The following ZFHX4 variants were observed in gnomAD, a reference collection of about 807,000 sequenced individuals.
The protein encoded by ZFHX4 is zinc finger homeobox 4.
In ZFHX4, 56 loss-of-function variants were observed where a neutral mutation model predicts 267.6. The ratio of observed to expected loss-of-function variants is 0.21; its 90% CI spans 0.17 to 0.26. The LOEUF is 0.26. ZFHX4 is among the 10% of genes least tolerant of loss of function. The pLI is 1.00. For missense variants in ZFHX4, 4,332 were observed against 4,420.0 expected (o/e 0.98, Z 0.56); for synonymous variants, 1,778 against 1,665.6 (o/e 1.07, Z -1.64).
Position 76,852,958 on chromosome 8 carries a change from C to T in ZFHX4, c.6037C>T (p.Pro2013Ser). ...PPPPPPPPPLPPAPPQPSSMG... is the reference protein window; with the variant it reads ...PPPPPPPPPLSPAPPQPSSMG... ...CCCGCCACCTCCTCCTCCTCCCTTGCCTCCGGCTCCTCCACAGCCTTCTTC... is the reference window on the plus strand; with the variant it reads ...CCCGCCACCTCCTCCTCCTCCCTTGTCTCCGGCTCCTCCACAGCCTTCTTC... Residue 2013 changes from proline to serine, a missense_variant, in exon 10 of 11, where the codon CCT becomes TCT. Physicochemically the swap from Pro to Ser is moderately conservative, Grantham distance 74 (BLOSUM62 -1). Coordinates refer to ENST00000651372, the MANE Select transcript of ZFHX4 (RefSeq NM_024721.5). 3.2e-6 allele frequency: 5 copies of T among 1,566,904 alleles called. No homozygotes were observed. The highest frequency in any genetic ancestry group is 4.3e-6 in the Non-Finnish European group (5 of 1,154,942).
At chr8:76,803,413 A>G (rs1167762265) in intron 4 of ZFHX4, among the ~76,000 whole-genome samples, 1 of 152,156 alleles carries the variant, frequency 6.6e-6, no homozygotes, top group Admixed American at 6.6e-5. Context: ...CTGCATTTAT[A>G]TAATTAAGAA....
At chr8:76,795,977 G>A (rs1289782035) in intron 4 of ZFHX4, among the ~76,000 whole-genome samples, 1 of 152,214 alleles carries the variant, frequency 6.6e-6, no homozygotes, top group East Asian at 1.9e-4. Context: ...TAGAAAAGGA[G>A]GAATTCAAAG....
intron 3 of ZFHX4, among the ~76,000 whole-genome samples, chr8:76,708,483 G>T (rs1449410118): frequency 6.6e-6 from 1 of 151,782 alleles, no homozygotes. Flanking sequence ...AAACAATGAC[G>T]CTCCAAACAT....
At chr8:76,849,819 T>A in intron 8 of ZFHX4, 107 bp downstream of exon 8, 2 of 1,194,976 alleles carry the variant, frequency 1.7e-6, no homozygotes, top group Non-Finnish European at 2.4e-6. Context: ...CAGAGCTAAT[T>A]AAAGCTCTGT....
At chr8:76,814,748 G>A (rs182016206) in intron 4 of ZFHX4, among the ~76,000 whole-genome samples, 16 of 152,172 alleles carry the variant, frequency 1.1e-4, no homozygotes, top group South Asian at 6.2e-4. Flanking sequence ...TCCTGCCTGC[G>A]TGGACAAACC....
At chr8:76,786,570 C>A (rs543094498) in intron 4 of ZFHX4, among the ~76,000 whole-genome samples, 64 of 151,980 alleles carry the variant, frequency 4.2e-4, no homozygotes, top group African/African-American at 9.6e-4. Flanking sequence ...ATAGTTATAT[C>A]TTTTAGTATC....
rs748771946 is a variant in ZFHX4, at chr8:76,854,018, T to C, written c.7097T>C (p.Val2366Ala). 4.3e-6 allele frequency: 7 copies of C among 1,613,804 alleles called. No individual in the cohort carries two copies. In the Admixed American group the frequency reaches 6.7e-5, roughly 15 times the overall value. Residue 2366 changes from valine to alanine, a missense_variant, in exon 10 of 11, where the codon GTG becomes GCG. By Grantham distance (64) the Val-to-Ala change is moderately conservative. Transcript: ENST00000651372. ...TDQVVYKHCTVSGQTDAAKNA... is the reference protein window; with the variant it reads ...TDQVVYKHCTASGQTDAAKNA... ...CAAGTGGTATACAAGCATTGCACAG[T>C]GTCTGGCCAAACGGATGCAGCTAAA... is the stretch of plus-strand genomic sequence containing the variant.
intron 4 of ZFHX4, among the ~76,000 whole-genome samples, chr8:76,820,561 C>T (rs769846924): frequency 1.2e-4 from 18 of 152,272 alleles, no homozygotes; most frequent in Non-Finnish European, 2.2e-4. Context: ...CAATTTGCCA[C>T]ACACTTTTGA....
intron 3 of ZFHX4, among the ~76,000 whole-genome samples, chr8:76,752,635 C>T (rs1399704498): frequency 3.9e-5 from 6 of 152,002 alleles, no homozygotes; most frequent in Non-Finnish European, 7.4e-5. Context: ...CATGCCACTG[C>T]ACTCCAGCCT....
intron 4 of ZFHX4, among the ~76,000 whole-genome samples, chr8:76,789,900 T>G (rs2131803107): frequency 6.6e-6 from 1 of 152,272 alleles, no homozygotes; most frequent in African/African-American, 2.4e-5. Flanking sequence ...GATTTTACGG[T>G]TTGCTCTGTA....
At position 76,863,074 on chromosome 8, in the gene ZFHX4, C is replaced by A; in HGVS notation, c.9380-20C>A. ...TGGTCTGTACATTGACAGTGGCCAT[C>A]TCTCTGTTGTTGTTTTCAGCTTTAA... is the stretch of plus-strand genomic sequence containing the variant. On this transcript the variant is annotated intron_variant, in intron 10 of 10. Transcript: ENST00000651372. The A allele has an allele frequency of 6.7e-7, 1 of 1,487,286 alleles. No homozygotes were observed. Among genetic ancestry groups the A allele is most frequent in the Non-Finnish European group, 8.9e-7 (1 of 1,117,798 alleles). The allele number at this position is 1,487,286 out of a possible 1,614,324, so 92.1% of individuals were successfully genotyped here. A position where few individuals can be genotyped will look rare whatever the true frequency, so the allele number is the denominator to read the frequency against.
Position 76,778,406 on chromosome 8 carries a change from T to C in ZFHX4, c.3292T>C (p.Phe1098Leu), listed in dbSNP as rs1208033689. ...APEEDNLSEI[F>L]FVKDCPPNEL... is the part of the protein sequence containing the mutation. The stretch of plus-strand genomic sequence containing the variant: ...AGAGGAGGACAACCTCAGTGAGATC[T>C]TTTTTGTTAAAGATTGCCCACCAAA... The change falls in exon 4 of 11, where the codon TTT becomes CTT. Residue 1098 changes from phenylalanine to leucine, a missense_variant. By Grantham distance (22) the Phe-to-Leu change is conservative. This residue lies in a region of ZFHX4 where 1,371 missense variants were observed against 1,423.1 expected (regional missense o/e 0.96). Coordinates refer to ENST00000651372, the MANE Select transcript of ZFHX4 (RefSeq NM_024721.5). The C allele has an allele frequency of 6.2e-7, 1 of 1,613,648 alleles. No homozygotes were observed. Among genetic ancestry groups the C allele is most frequent in the Non-Finnish European group, 8.5e-7 (1 of 1,179,804 alleles).
At chr8:76,845,624 AT>A (rs560556748) in intron 6 of ZFHX4, among the ~76,000 whole-genome samples, 2 of 151,890 alleles carry the variant, frequency 1.3e-5, no homozygotes, top group East Asian at 1.9e-4. Context: ...CAGTACTTTT[AT>A]TTTTTTATTA....
intron 3 of ZFHX4, among the ~76,000 whole-genome samples, chr8:76,711,490 G>A (rs1057512545): frequency 2.3e-4 from 35 of 152,286 alleles, no homozygotes; most frequent in Non-Finnish European, 3.1e-4. Flanking sequence ...GTCTGTGTGT[G>A]TATAAAACAG....
chr8:76,806,084 C>A (rs1811237421), intron 4 of ZFHX4, among the ~76,000 whole-genome samples: 1 of 152,160 alleles, frequency 6.6e-6, no homozygotes, highest in Admixed American at 6.6e-5. Context: ...ATAGGAATCA[C>A]TGGGTTTGCC....
intron 3 of ZFHX4, among the ~76,000 whole-genome samples, chr8:76,721,230 AGTCTG>A (rs1808713689): frequency 1.3e-5 from 2 of 152,206 alleles, no homozygotes; most frequent in Non-Finnish European, 2.9e-5. Flanking sequence ...TTCTTTATAA[AGTCTG>A]AATGTGAATC....
intron 3 of ZFHX4, among the ~76,000 whole-genome samples, chr8:76,718,217 T>G (rs1349464181): frequency 6.6e-6 from 1 of 152,186 alleles, no homozygotes; most frequent in Admixed American, 6.5e-5. Context: ...TTGAAAAAGA[T>G]TGACATGCTA....
rs774182068 is a variant in ZFHX4 at position 76,852,011 on chromosome 8, A to G, written c.5090A>G (p.Gln1697Arg). The G allele has an allele frequency of 6.2e-6, 10 of 1,613,996 alleles. No individual in the cohort carries two copies. Among genetic ancestry groups the G allele is most frequent in the Middle Eastern group, 1.6e-4 (1 of 6,062 alleles). The stretch of plus-strand genomic sequence containing the variant: ...CAGTCACCAGCACAAATTCAGATGC[A>G]ACTACAGCACGAATTACAACAGCAA... ...PPQSPAQIQM[Q>R]LQHELQQQAA... The change falls in exon 10 of 11, where the codon CAA becomes CGA. Residue 1697 changes from glutamine to arginine, a missense_variant. This residue lies in a region of ZFHX4 where 1,371 missense variants were observed against 1,423.1 expected (regional missense o/e 0.96). Coordinates refer to ENST00000651372, the MANE Select transcript of ZFHX4 (RefSeq NM_024721.5).
intron 1 of ZFHX4, among the ~76,000 whole-genome samples, chr8:76,695,810 C>T (rs563715483): frequency 1.3e-5 from 2 of 152,232 alleles, no homozygotes; most frequent in South Asian, 2.1e-4. Flanking sequence ...TTAGTTTTTT[C>T]CCCCAGCTCT....
Sources: allele counts gnomAD v4.1 joint callset (sites outside exome capture counted in the v4.1 genomes callset), GRCh38; gene constraint gnomAD v4.1.1; regional missense constraint gnomAD v4.1.1; transcripts MANE v1.5; gene names NCBI Gene and HGNC (gene_info 2026-07-23, HGNC 2026-07-21).